Variants in CLVS1 observed in about 807,000 individuals in gnomAD.
CLVS1 encodes the protein clavesin-1.
CLVS1 carries 10 observed loss-of-function variants against 33.1 expected under a neutral mutation model. The observed-to-expected ratio is 0.30, with a 90% CI of 0.19 to 0.51. CLVS1 has a LOEUF of 0.51. Among genes scored for constraint, CLVS1 ranks in the 20% least tolerant of loss-of-function variants. CLVS1 has a pLI of 0.97. For missense variants in CLVS1, 343 were observed against 433.4 expected (o/e 0.79, Z 1.85); for synonymous variants, 163 against 166.1 (o/e 0.98, Z 0.14).
chr8:61,207,684 C>G (rs1013558300), intron 2 of CLVS1, among the ~76,000 whole-genome samples: 1 of 152,168 alleles, frequency 6.6e-6, no homozygotes, highest in Admixed American at 6.5e-5. Flanking sequence ...CACTCTAAGC[C>G]TCAGTTTCCC....
Position 61,166,031 on chromosome 8 carries a change from G to GTT in CLVS1, c.-152+34184_-152+34185dup, listed in dbSNP as rs71245557. 1.0e-4 allele frequency among the ~76,000 whole-genome samples: 11 copies of GTT among 108,374 alleles called. 2 individuals are homozygous for GTT. Among genetic ancestry groups the GTT allele is most frequent in the African/African-American group, 1.6e-4 (5 of 30,746 alleles). The allele number at this position is 108,374 out of a possible 152,430, so 71.1% of individuals were successfully genotyped here. On this transcript the variant is annotated intron_variant, in intron 2 of 2. Transcript: ENST00000522621. Reference sequence around the variant, plus strand: ...TATTTTTGTGGCTAAGCATCTAAGCGTTTTTTTTTTTTTTGCCTGCCTTTG... The same window carrying GTT: ...TATTTTTGTGGCTAAGCATCTAAGCGTTTTTTTTTTTTTTTTGCCTGCCTTTG...
intron 5 of CLVS1, among the ~76,000 whole-genome samples, chr8:61,498,109 C>T (rs530426385): frequency 4.6e-5 from 7 of 152,296 alleles, no homozygotes; most frequent in Admixed American, 4.6e-4. Flanking sequence ...TCTCAGCAGG[C>T]TTTAGCCTTA....
chr8:61,466,989 C>G (rs1476389678), intron 5 of CLVS1, among the ~76,000 whole-genome samples: 1 of 152,188 alleles, frequency 6.6e-6, no homozygotes, highest in African/African-American at 2.4e-5. Context: ...CACACAGAAA[C>G]ACTATCATGA....
intron 3 of CLVS1, chr8:61,377,109 T>C (rs1813676735): frequency 4.9e-6 from 1 of 205,314 alleles, no homozygotes; most frequent in Admixed American, 5.5e-5. Flanking sequence ...GATCATGTCA[T>C]ATACAGGGGT....
chr8:61,268,537 T>A (rs1257796754), intron 2 of CLVS1, among the ~76,000 whole-genome samples: 1 of 147,720 alleles, frequency 6.8e-6, no homozygotes, highest in African/African-American at 2.5e-5. Flanking sequence ...TACCCAGTAA[T>A]GGGATGGCTG....
chr8:61,029,036 G>A, the CLVS1 span, among the ~76,000 whole-genome samples: 25 of 152,286 alleles, frequency 1.6e-4, 1 homozygote, highest in Admixed American at 5.2e-4. Flanking sequence ...AATCTGACTA[G>A]GAGACAACAA....
At chr8:61,147,260 C>A (rs1056231681) in intron 2 of CLVS1, among the ~76,000 whole-genome samples, 1 of 152,164 alleles carries the variant, frequency 6.6e-6, no homozygotes, top group Non-Finnish European at 1.5e-5. Flanking sequence ...CTTTAAATAT[C>A]CAGACCTCAG....
intron 2 of CLVS1, among the ~76,000 whole-genome samples, chr8:61,164,584 G>C (rs931202579): frequency 2.0e-5 from 3 of 152,118 alleles, no homozygotes; most frequent in African/African-American, 7.2e-5. Flanking sequence ...GCTAGAGTGG[G>C]AGGGCAAGTC....
upstream of CLVS1, among the ~76,000 whole-genome samples, chr8:61,052,297 C>A (rs1429378997): frequency 6.6e-6 from 1 of 152,130 alleles, no homozygotes; most frequent in Non-Finnish European, 1.5e-5. Context: ...GAAAACCTAA[C>A]TAACTAAATA....
At chr8:61,316,469 T>C (rs1028524092) in intron 2 of CLVS1, among the ~76,000 whole-genome samples, 3 of 152,220 alleles carry the variant, frequency 2.0e-5, no homozygotes, top group African/African-American at 7.2e-5. Flanking sequence ...AGTATAATTC[T>C]GTGGCATACT....
intron 2 of CLVS1, among the ~76,000 whole-genome samples, chr8:61,230,196 C>T (rs974098977): frequency 1.3e-5 from 2 of 152,142 alleles, no homozygotes; most frequent in Non-Finnish European, 2.9e-5. Flanking sequence ...TTTTGCTGAA[C>T]CCTGATGCAG....
chr8:61,032,056 G>A, the CLVS1 span, among the ~76,000 whole-genome samples: 1 of 152,206 alleles, frequency 6.6e-6, no homozygotes, highest in East Asian at 1.9e-4. Context: ...GAGATATTGA[G>A]TGTTAGATGG....
chr8:61,071,098 TA>T (rs1027759750), intron 1 of CLVS1, among the ~76,000 whole-genome samples: 3 of 152,120 alleles, frequency 2.0e-5, no homozygotes, highest in Non-Finnish European at 4.4e-5. Context: ...GAAGCAGCAG[TA>T]AAAAGAGAAA....
At chr8:61,387,868 C>T (rs1166006275) in intron 3 of CLVS1, among the ~76,000 whole-genome samples, 1 of 152,116 alleles carries the variant, frequency 6.6e-6, no homozygotes, top group Non-Finnish European at 1.5e-5. Context: ...TCTTTATCCA[C>T]TTGTTGATTG....
chr8:61,248,853 A>G (rs1202914730), intron 2 of CLVS1, among the ~76,000 whole-genome samples: 1 of 152,140 alleles, frequency 6.6e-6, no homozygotes, highest in African/African-American at 2.4e-5. Flanking sequence ...GGCATGTAAT[A>G]CATTTATGCT....
At position 61,139,425 on chromosome 8, in the gene CLVS1, C is replaced by T. The variant is rs555086634; in HGVS notation, c.-152+7565C>T. ...ATGAAAATGAGTTGTCAATTAGCAT[C>T]TTATCTGCCGATGTCACCTTCTCCG... On this transcript the variant is annotated intron_variant, in intron 2 of 2. Coordinates refer to the CLVS1 transcript ENST00000522621. 4.6e-5 allele frequency among the ~76,000 whole-genome samples: 7 copies of T among 152,346 alleles called. No individual in the cohort carries two copies. In the East Asian group the frequency reaches 1.4e-3, roughly 29 times the overall value.
chr8:61,281,281 T>C (rs1156670200), intron 2 of CLVS1, among the ~76,000 whole-genome samples: 2 of 152,192 alleles, frequency 1.3e-5, no homozygotes, highest in East Asian at 3.9e-4. Flanking sequence ...ATTATGGACT[T>C]AATTATGTCC....
chr8:61,326,119 C>G (rs1198178874), intron 2 of CLVS1, among the ~76,000 whole-genome samples: 1 of 152,174 alleles, frequency 6.6e-6, no homozygotes, highest in Non-Finnish European at 1.5e-5. Flanking sequence ...CTTTTCACTG[C>G]CTTTCAGCCT....
At chr8:61,397,049 T>G (rs1177217146) in intron 3 of CLVS1, among the ~76,000 whole-genome samples, 21 of 152,160 alleles carry the variant, frequency 1.4e-4, no homozygotes, top group Admixed American at 1.4e-3. Context: ...TGGTTATATA[T>G]CTAGGAATAA....
Sources: gnomAD v4.1 joint callset for allele counts (sites outside exome capture counted in the v4.1 genomes callset) on GRCh38, gnomAD v4.1.1 for gene constraint, MANE v1.5 for transcripts, NCBI Gene and HGNC (gene_info 2026-07-23, HGNC 2026-07-21) for gene names.